Variants in SAMD5 observed in about 807,000 individuals in gnomAD.
The protein encoded by SAMD5 is sterile alpha motif domain containing 5.
Under a neutral mutation model 11.3 loss-of-function variants are expected in SAMD5, and 13 were observed. The ratio of observed to expected loss-of-function variants is 1.15; its 90% CI spans 0.75 to 1.83. SAMD5 has a LOEUF of 1.83. Among genes scored for constraint, SAMD5 ranks in the 40% most tolerant of loss-of-function variants. SAMD5 has a pLI of 0.00. For synonymous variants in SAMD5, 129 were observed against 111.3 expected (o/e 1.16, Z -1.00); for missense variants, 255 against 239.1 (o/e 1.07, Z -0.44).
chr6:147,918,223 T>A, the SAMD5 span, among the ~76,000 whole-genome samples: 3 of 152,348 alleles, frequency 2.0e-5, no homozygotes, highest in Middle Eastern at 3.4e-3. Context: ...TTTGTTTGTA[T>A]CCTCTTTTAT....
the SAMD5 span, among the ~76,000 whole-genome samples, chr6:147,743,530 C>A: frequency 7.9e-5 from 12 of 151,974 alleles, no homozygotes; most frequent in African/African-American, 2.9e-4. Flanking sequence ...TGTAACTACT[C>A]CTCAACTATT....
the SAMD5 span, among the ~76,000 whole-genome samples, chr6:147,866,956 T>G: frequency 1.3e-5 from 2 of 152,164 alleles, no homozygotes; most frequent in Non-Finnish European, 1.5e-5. Flanking sequence ...AATTGAGTTA[T>G]TTTCCAGTGT....
At chr6:147,537,773 A>G (rs1186982771) in intron 1 of SAMD5, among the ~76,000 whole-genome samples, 1 of 151,708 alleles carries the variant, frequency 6.6e-6, no homozygotes, top group Non-Finnish European at 1.5e-5. Context: ...AAAAAAAGAG[A>G]AAACCTTTTC....
chr6:147,852,416 C>T, the SAMD5 span, among the ~76,000 whole-genome samples: 1 of 151,924 alleles, frequency 6.6e-6, no homozygotes, highest in Non-Finnish European at 1.5e-5. Flanking sequence ...AGAATAATTA[C>T]GTGGTATTTC....
In SAMD5 at chr6:147,565,421, CTA is replaced by C. The variant is rs1325096974; in HGVS notation, c.*966_*967del. On this transcript the variant is annotated 3_prime_UTR_variant, in exon 2 of 2. Transcript: ENST00000367474. ...AAATTAACAGGAATCTAGAGTTTTTCTAATTCTTATCGTCTTATCGTTCTTGT... is the reference window on the plus strand; with the variant it reads ...AAATTAACAGGAATCTAGAGTTTTTCATTCTTATCGTCTTATCGTTCTTGT... 1.0e-6 allele frequency: 1 copy of C among 984,144 alleles called. No homozygotes were observed. Among genetic ancestry groups the C allele is most frequent in the Non-Finnish European group, 1.2e-6 (1 of 829,266 alleles). The allele number at this position is 984,144 out of a possible 1,614,324, so 61.0% of individuals were successfully genotyped here.
chr6:147,521,400 C>A (rs1418628012), intron 1 of SAMD5, among the ~76,000 whole-genome samples: 1 of 152,018 alleles, frequency 6.6e-6, no homozygotes, highest in African/African-American at 2.4e-5. Context: ...AAGAATGTAA[C>A]TTACCACATA....
chr6:147,514,239 C>T (rs1021606364), intron 1 of SAMD5, among the ~76,000 whole-genome samples: 13 of 151,854 alleles, frequency 8.6e-5, no homozygotes, highest in Admixed American at 8.5e-4. Context: ...GCTTCTCCTC[C>T]AGGTCAAGGG....
At chr6:147,693,015 T>C (rs966378090) in intron 1 of SAMD5, among the ~76,000 whole-genome samples, 1 of 152,204 alleles carries the variant, frequency 6.6e-6, no homozygotes, top group African/African-American at 2.4e-5. Flanking sequence ...TTTTAATCAA[T>C]TGAAGGACTT....
chr6:147,640,497 CAA>C (rs1172694444), intron 1 of SAMD5, among the ~76,000 whole-genome samples: 428 of 24,078 alleles, frequency 0.018, no homozygotes, highest in African/African-American at 0.033. Context: ...GACTCTGTCG[CAA>C]AAAAAAAAAA....
intron 1 of SAMD5, among the ~76,000 whole-genome samples, chr6:147,615,907 G>A (rs535290894): frequency 2.6e-5 from 4 of 152,132 alleles, no homozygotes; most frequent in East Asian, 1.9e-4. Flanking sequence ...GAGAGGTCAC[G>A]ACTTTCATCT....
the SAMD5 span, among the ~76,000 whole-genome samples, chr6:147,902,470 C>T: frequency 1.3e-5 from 2 of 152,090 alleles, no homozygotes; most frequent in Non-Finnish European, 2.9e-5. Context: ...CTTATTTAAC[C>T]TAGTATTTCT....
chr6:147,902,396 T>A, the SAMD5 span, among the ~76,000 whole-genome samples: 1 of 151,930 alleles, frequency 6.6e-6, no homozygotes, highest in South Asian at 2.1e-4. Context: ...TTCTTAGGGA[T>A]TCATAGAGCT....
At chr6:147,684,191 AT>A (rs2128456513) in intron 1 of SAMD5, among the ~76,000 whole-genome samples, 1 of 152,188 alleles carries the variant, frequency 6.6e-6, no homozygotes, top group African/African-American at 2.4e-5. Flanking sequence ...ATAAAAGTGG[AT>A]TTCAATGGTC....
At chr6:147,718,670 G>C (rs1320930857) in intron 1 of SAMD5, among the ~76,000 whole-genome samples, 1 of 148,920 alleles carries the variant, frequency 6.7e-6, no homozygotes, top group African/African-American at 2.5e-5. Context: ...ATGTAATGTT[G>C]TTGGAAGTGG....
At chr6:147,684,502 T>C (rs983340954) in intron 1 of SAMD5, among the ~76,000 whole-genome samples, 2 of 152,294 alleles carry the variant, frequency 1.3e-5, no homozygotes, top group East Asian at 3.9e-4. Context: ...TCCTAAGTTG[T>C]ACATTTGTGC....
At chr6:147,899,003 AC>A in the SAMD5 span, among the ~76,000 whole-genome samples, 1 of 151,348 alleles carries the variant, frequency 6.6e-6, no homozygotes, top group South Asian at 2.1e-4. Context: ...ACATGGTGAA[AC>A]CCCGTCTCTA....
At chr6:147,619,222 A>C (rs1438824588) in intron 1 of SAMD5, among the ~76,000 whole-genome samples, 6 of 152,226 alleles carry the variant, frequency 3.9e-5, no homozygotes. Flanking sequence ...ATGAAGCAAG[A>C]CATCTAAAAT....
chr6:147,715,959 A>G (rs1327604301), intron 1 of SAMD5, among the ~76,000 whole-genome samples: 39 of 152,146 alleles, frequency 2.6e-4, no homozygotes, highest in Admixed American at 2.6e-3. Flanking sequence ...ATGGGTGGCC[A>G]TGAGTAGGCC....
rs1583086557 is a variant in SAMD5 at position 147,566,235 on chromosome 6, T to C, written c.*1779T>C. 4.1e-6 allele frequency: 4 copies of C among 978,698 alleles called. No homozygotes were observed. Among genetic ancestry groups the C allele is most frequent in the South Asian group, 9.5e-5 (2 of 21,146 alleles). The allele number at this position is 978,698 out of a possible 1,614,324, so 60.6% of individuals were successfully genotyped here. A position where few individuals can be genotyped will look rare whatever the true frequency, so the allele number is the denominator to read the frequency against. On this transcript the variant is annotated 3_prime_UTR_variant, in exon 2 of 2. Transcript: ENST00000367474. ...AAAGCATGTATAGGTTGTCCTTAAA[T>C]TATACAAAAGCTTTTAGTTTCATCA...
Sources: allele counts gnomAD v4.1 joint callset (sites outside exome capture counted in the v4.1 genomes callset), GRCh38; gene constraint gnomAD v4.1.1; transcripts MANE v1.5; gene names NCBI Gene and HGNC (gene_info 2026-07-23, HGNC 2026-07-21).